The following AGBL5 variants were observed in gnomAD, a reference collection of about 807,000 sequenced individuals.
AGBL5 encodes the protein cytosolic carboxypeptidase-like protein 5.
In AGBL5, 51 loss-of-function variants were observed where a neutral mutation model predicts 88.0. The observed-to-expected ratio is 0.58, with a 90% CI of 0.46 to 0.73. The LOEUF is 0.73. AGBL5 is among the 30% of genes least tolerant of loss of function. AGBL5 has a pLI of 0.00. For missense variants in AGBL5, 1,031 were observed against 1,162.2 expected, an observed-to-expected ratio of 0.89 and a Z score of 1.64; for synonymous variants, 446 against 438.8, an observed-to-expected ratio of 1.02 and a Z score of -0.21.
intron 13 of AGBL5, chr2:27,068,975 AT>A (rs1669133768): frequency 6.8e-7 from 1 of 1,481,264 alleles, no homozygotes; most frequent in Non-Finnish European, 9.0e-7. Context: ...CCTGCCAGAT[AT>A]ACCCCAACCT....
chr2:27,067,601 C>T lies in AGBL5; in HGVS notation c.2197C>T (p.His733Tyr), dbSNP rs373041951. 3.7e-6 allele frequency: 6 copies of T among 1,613,912 alleles called. No individual in the cohort carries two copies. Among genetic ancestry groups the T allele is most frequent in the Admixed American group, 3.3e-5 (2 of 59,986 alleles). Residue 733 changes from histidine to tyrosine, a missense_variant, in exon 12 of 15, where the codon CAC becomes TAC. By Grantham distance (83) the His-to-Tyr change is moderately conservative (BLOSUM62 2). This residue lies in a region of AGBL5 where 491 missense variants were observed against 484.0 expected (regional missense o/e 1.01). Transcript: ENST00000360131. ...TACTAGTTCTGGCCCAGCCTCCTCA[C>T]ACAAGCTGGGCTCCTGTCTACTGCC... Reference protein sequence around the residue: ...APTSSGPASSHKLGSCLLPDS... With the variant: ...APTSSGPASSYKLGSCLLPDS...
intron 14 of AGBL5, 153 bp from the exon 15 acceptor site, chr2:27,069,939 G>GT: frequency 1.0e-6 from 1 of 985,360 alleles, no homozygotes; most frequent in Non-Finnish European, 1.2e-6. Flanking sequence ...GAGCTGGCTG[G>GT]TTCCAGCGTC....
chr2:27,070,338 A>G lies in AGBL5; in HGVS notation c.*75A>G. 6.8e-7 allele frequency: 1 copy of G among 1,481,402 alleles called. No homozygotes were observed. Among genetic ancestry groups the G allele is most frequent in the Non-Finnish European group, 9.4e-7 (1 of 1,067,898 alleles). 91.8% of individuals were successfully genotyped at this position (1,481,402 alleles called of 1,614,324 possible). ...GTGGGAAATATGCTAGTTCCCCTCCAGGCCGCTGATTCCATGTGACAGCCG... is the reference window on the plus strand; with the variant it reads ...GTGGGAAATATGCTAGTTCCCCTCCGGGCCGCTGATTCCATGTGACAGCCG... On this transcript the variant is annotated 3_prime_UTR_variant, in exon 15 of 15. Coordinates refer to ENST00000360131, the MANE Select transcript of AGBL5 (RefSeq NM_021831.6).
At chr2:27,054,235 C>A in intron 4 of AGBL5, 176 bp downstream of exon 4, 1 of 739,082 alleles carries the variant, frequency 1.4e-6, no homozygotes, top group Non-Finnish European at 2.1e-6. Flanking sequence ...TGACCCTGAT[C>A]TCAGCATATC....
In AGBL5 at chr2:27,053,064, G is replaced by A. The variant is rs1245841699; in HGVS notation, c.106G>A (p.Gly36Arg). 1 of 1,613,838 alleles carries A rather than the reference G, an allele frequency of 6.2e-7. No homozygotes were observed. The highest frequency in any genetic ancestry group is 1.7e-5 in the Admixed American group (1 of 59,972). ...ESLSSDGEGV[G>R]GGASALTSGI... is the part of the protein sequence containing the mutation. The stretch of plus-strand genomic sequence containing the variant: ...TTTGTCCAGTGATGGGGAAGGGGTA[G>A]GAGGTGGGGCGTCAGCCCTGACCAG... The change falls in exon 2 of 15, where the codon GGA becomes AGA. Residue 36 changes from glycine to arginine, a missense_variant. Coordinates refer to ENST00000360131, the MANE Select transcript of AGBL5 (RefSeq NM_021831.6). The surrounding 1 kb of genome is among the most constrained non-coding windows in gnomAD (Gnocchi z 4.9).
intron 9 of AGBL5, 104 bp from the exon 10 acceptor site, chr2:27,058,296 T>C (rs1668539070): frequency 2.3e-6 from 3 of 1,328,642 alleles, no homozygotes; most frequent in Admixed American, 1.7e-5. Context: ...GAGCAAATTA[T>C]AGGTCTGGCC....
At position 27,067,624 on chromosome 2, in the gene AGBL5, G is replaced by A; in HGVS notation, c.2220G>A (p.Leu740=). The A allele has an allele frequency of 6.2e-7, 1 of 1,613,108 alleles. No homozygotes were observed. The highest frequency in any genetic ancestry group is 8.5e-7 in the Non-Finnish European group (1 of 1,179,232). ...CACACAAGCTGGGCTCCTGTCTACT[G>A]CCTGATTCATTCAACATACCAGGTC... The part of the protein sequence containing the change: ...ASSHKLGSCL[L]PDSFNIPGSS... The change falls in exon 12 of 15, where the codon CTG becomes CTA. Residue 740 remains leucine, a synonymous_variant. Coordinates refer to ENST00000360131, the MANE Select transcript of AGBL5 (RefSeq NM_021831.6).
In AGBL5 at chr2:27,070,516, G is replaced by A. The variant is rs566486761; in HGVS notation, c.*253G>A. ...AGTCTATATTTTTATATTGGGGGGA[G>A]GGAGTAGAAAAGCAAGCCCCTATAC... On this transcript the variant is annotated 3_prime_UTR_variant, in exon 15 of 15. Coordinates refer to ENST00000360131, the MANE Select transcript of AGBL5 (RefSeq NM_021831.6). The A allele has an allele frequency of 2.1e-3, 1,015 of 475,006 alleles. 26 individuals carry two copies. In the South Asian group the frequency reaches 0.029, roughly 13 times the overall value. The allele number at this position is 475,006 out of a possible 1,614,324, so 29.4% of individuals were successfully genotyped here.
chr2:27,060,334 A>G (rs1034757032), intron 11 of AGBL5, among the ~76,000 whole-genome samples: 4 of 152,224 alleles, frequency 2.6e-5, no homozygotes, highest in African/African-American at 9.6e-5. Flanking sequence ...GCCTGATAAG[A>G]TTCTGGGTCA....
Position 27,058,454 on chromosome 2 carries a change from C to G in AGBL5, c.1726C>G (p.Pro576Ala). The change falls in exon 10 of 15, where the codon CCC becomes GCC. Residue 576 changes from proline to alanine, a missense_variant. By Grantham distance (27) the Pro-to-Ala change is conservative. Coordinates refer to ENST00000360131, the MANE Select transcript of AGBL5 (RefSeq NM_021831.6). ...ALDMAECNPWPRIVLSEHSSL... is the reference protein window; with the variant it reads ...ALDMAECNPWARIVLSEHSSL... ...GGACATGGCGGAATGTAATCCGTGG[C>G]CCCGAATTGTACTGTCAGAGCACAG... 1 of 1,613,922 alleles carries G rather than the reference C, an allele frequency of 6.2e-7. No individual in the cohort carries two copies. The highest frequency in any genetic ancestry group is 1.1e-5 in the South Asian group (1 of 91,062).
chr2:27,058,636 G>A (rs1460003434), intron 10 of AGBL5, 34 bp downstream of exon 10: 1 of 1,604,834 alleles, frequency 6.2e-7, no homozygotes, highest in Non-Finnish European at 8.5e-7. Flanking sequence ...AGAAAGGGTA[G>A]GACAGTGGGA....
chr2:27,056,865 G>T, intron 8 of AGBL5, 73 bp downstream of exon 8: 5 of 1,459,864 alleles, frequency 3.4e-6, no homozygotes, highest in Non-Finnish European at 3.7e-6. Context: ...GTGTGGTGGT[G>T]CATGCTTGTA....
intron 11 of AGBL5, among the ~76,000 whole-genome samples, chr2:27,063,594 CA>C (rs35412258): frequency 2.8e-4 from 39 of 138,866 alleles, no homozygotes; most frequent in African/African-American, 2.9e-4. Context: ...GACTCCGTCT[CA>C]AAAAAAAAAA....
chr2:27,068,827 C>T (rs1276608164), intron 13 of AGBL5, 83 bp downstream of exon 13: 2 of 1,567,460 alleles, frequency 1.3e-6, no homozygotes, highest in East Asian at 4.6e-5. Flanking sequence ...AGGGAAAATG[C>T]TCAGCACTGC....
intron 7 of AGBL5, 102 bp downstream of exon 7, chr2:27,056,240 G>A: frequency 1.5e-6 from 2 of 1,301,036 alleles, no homozygotes; most frequent in Non-Finnish European, 2.1e-6. Flanking sequence ...TAGCTTTCTG[G>A]AAGGAAGGCC....
At position 27,059,421 on chromosome 2, in the gene AGBL5, G is replaced by A; in HGVS notation, c.2089+17G>A. ...CCGTCAGAGGTAAGCCAGTCTGGGA[G>A]CCCCTGCAACATGTGTTCGGTTGTC... On this transcript the variant is annotated intron_variant, in intron 11 of 14. Coordinates refer to ENST00000360131, the MANE Select transcript of AGBL5 (RefSeq NM_021831.6). 1.2e-6 allele frequency: 2 copies of A among 1,613,876 alleles called. No individual in the cohort carries two copies. Among genetic ancestry groups the A allele is most frequent in the East Asian group, 2.2e-5 (1 of 44,876 alleles).
upstream of AGBL5, chr2:27,051,287 C>A (rs931741378): frequency 6.6e-6 from 1 of 152,240 alleles, no homozygotes; most frequent in African/African-American, 2.4e-5. Context: ...GCATCCTCCA[C>A]TCAGCTTTTG....
chr2:27,053,844 T>C lies in AGBL5; in HGVS notation c.388-52T>C. The C allele has an allele frequency of 6.4e-7, 1 of 1,569,646 alleles. No individual in the cohort carries two copies. Among genetic ancestry groups the C allele is most frequent in the South Asian group, 1.2e-5 (1 of 84,116 alleles). On this transcript the variant is annotated intron_variant, in intron 3 of 14. Transcript: ENST00000360131. The surrounding 1 kb of genome is among the most constrained non-coding windows in gnomAD (Gnocchi z 4.9). Reference sequence around the variant, plus strand: ...AGTTCCTGGTGGTCCCAGTAGGAGCTCAGTTCTGACAATGGCATGTTGCCC... The same window carrying C: ...AGTTCCTGGTGGTCCCAGTAGGAGCCCAGTTCTGACAATGGCATGTTGCCC...
upstream of AGBL5, among the ~76,000 whole-genome samples, chr2:27,050,531 CG>C (rs1465763229): frequency 2.6e-5 from 4 of 152,230 alleles, no homozygotes; most frequent in Non-Finnish European, 5.9e-5. Context: ...GAAACCACCG[CG>C]GGGTGTTGGG....
Sources: allele counts gnomAD v4.1 joint callset (sites outside exome capture counted in the v4.1 genomes callset), GRCh38; gene constraint gnomAD v4.1.1; regional missense constraint gnomAD v4.1.1; non-coding constraint Gnocchi (gnomAD v3.1); transcripts MANE v1.5; gene names NCBI Gene and HGNC (gene_info 2026-07-23, HGNC 2026-07-21).